The following MICOS10 variants were observed in gnomAD, a reference collection of about 807,000 sequenced individuals.
MICOS10 encodes mitochondrial contact site and cristae organizing system subunit 10.
In MICOS10, 5 loss-of-function variants were observed where a neutral mutation model predicts 13.4. The observed-to-expected ratio is 0.37, with a 90% CI of 0.20 to 0.78. The LOEUF is 0.78. Ranked by LOEUF, MICOS10 falls within the 30% of genes least tolerant of loss-of-function variation. The pLI is 0.47. For synonymous variants in MICOS10, 35 were observed against 33.6 expected, an observed-to-expected ratio of 1.04 and a Z score of -0.15; for missense variants, 101 against 94.6, an observed-to-expected ratio of 1.07 and a Z score of -0.28.
chr1:19,597,227 G>A (rs2094795334), intron 1 of MICOS10, 118 bp downstream of exon 1: 4 of 1,121,182 alleles, frequency 3.6e-6, no homozygotes, highest in African/African-American at 1.7e-5. Flanking sequence ...GGCCTTTTCC[G>A]GCCCCTCCGG....
intron 1 of MICOS10, among the ~76,000 whole-genome samples, chr1:19,609,513 C>T (rs1431088647): frequency 6.6e-6 from 1 of 152,150 alleles, no homozygotes; most frequent in African/African-American, 2.4e-5. Flanking sequence ...AAAACGTGTC[C>T]ACACAAAGAC....
chr1:19,609,816 A>C (rs2094851893), intron 1 of MICOS10, among the ~76,000 whole-genome samples: 1 of 152,188 alleles, frequency 6.6e-6, no homozygotes, highest in African/African-American at 2.4e-5. Context: ...GTTGAAGGAA[A>C]GGGGGGAAAA....
At chr1:19,622,384 C>T (rs966792670) in intron 2 of MICOS10, among the ~76,000 whole-genome samples, 3 of 152,146 alleles carry the variant, frequency 2.0e-5, no homozygotes, top group East Asian at 1.9e-4. Context: ...GCCTGTTATC[C>T]TAAATATGAT....
intron 1 of MICOS10, chr1:19,608,491 C>A: frequency 2.5e-6 from 3 of 1,211,536 alleles, no homozygotes; most frequent in Non-Finnish European, 2.5e-6. Flanking sequence ...GTATGAAGAT[C>A]GGGAGGATTG....
Position 19,600,984 on chromosome 1 carries a change from CTGTT to C in MICOS10, c.64+3878_64+3881del, listed in dbSNP as rs747799217. 1.2e-5 allele frequency: 15 copies of C among 1,289,274 alleles called. No homozygotes were observed. The South Asian group carries it at 1.6e-4, about 14-fold the overall frequency. The allele number at this position is 1,289,274 out of a possible 1,614,324, so 79.9% of individuals were successfully genotyped here. A position where few individuals can be genotyped will look rare whatever the true frequency, so the allele number is the denominator to read the frequency against. On this transcript the variant is annotated intron_variant, in intron 1 of 3. Transcript: ENST00000322753. ...CACAGCAACTTCTGTGAGTCCTTCT[CTGTT>C]TGGTTGTCTTATACCTAAAGTGTTT...
At chr1:19,607,061 A>T (rs1372235400) in intron 1 of MICOS10, among the ~76,000 whole-genome samples, 4 of 152,250 alleles carry the variant, frequency 2.6e-5, no homozygotes, top group African/African-American at 9.6e-5. Context: ...TCTCTATTTC[A>T]TGGAGTGATA....
chr1:19,626,085 G>C (rs1203741981), intron 3 of MICOS10, among the ~76,000 whole-genome samples: 1 of 152,198 alleles, frequency 6.6e-6, no homozygotes, highest in Non-Finnish European at 1.5e-5. Context: ...AGGCTGATGA[G>C]AACCATGCTC....
chr1:19,624,581 C>T (rs1202987194), intron 3 of MICOS10, among the ~76,000 whole-genome samples: 1 of 152,146 alleles, frequency 6.6e-6, no homozygotes, highest in African/African-American at 2.4e-5. Flanking sequence ...AGCCACTGTG[C>T]CTGGCCTTCA....
At chr1:19,616,146 C>T (rs1003757865) in intron 1 of MICOS10, among the ~76,000 whole-genome samples, 2 of 152,100 alleles carry the variant, frequency 1.3e-5, no homozygotes, top group African/African-American at 4.8e-5. Flanking sequence ...GAACTCCTGA[C>T]CTCAGGTGAT....
intron 1 of MICOS10, among the ~76,000 whole-genome samples, chr1:19,598,716 A>G (rs893642551): frequency 1.1e-4 from 16 of 152,042 alleles, no homozygotes; most frequent in African/African-American, 3.9e-4. Flanking sequence ...CTAATTTTGT[A>G]GCTTTGGGTA....
intron 1 of MICOS10, among the ~76,000 whole-genome samples, chr1:19,609,508 G>A (rs1019505025): frequency 1.3e-5 from 2 of 152,166 alleles, no homozygotes; most frequent in Non-Finnish European, 2.9e-5. Flanking sequence ...AAATGAAAAC[G>A]TGTCCACACA....
intron 1 of MICOS10, among the ~76,000 whole-genome samples, chr1:19,608,876 C>G (rs2094846634): frequency 6.6e-6 from 1 of 151,684 alleles, no homozygotes; most frequent in Admixed American, 6.6e-5. Flanking sequence ...AAGGTTCCCC[C>G]CCACCCATAG....
chr1:19,619,581 T>C (rs1294250280), intron 1 of MICOS10, among the ~76,000 whole-genome samples: 5 of 152,244 alleles, frequency 3.3e-5, no homozygotes, highest in Non-Finnish European at 5.9e-5. Context: ...TTATTTTATG[T>C]ATCTGATCAG....
intron 1 of MICOS10, among the ~76,000 whole-genome samples, chr1:19,615,729 A>G (rs967004543): frequency 6.3e-5 from 9 of 142,348 alleles, no homozygotes; most frequent in African/African-American, 2.1e-4. Context: ...GACTACAGGC[A>G]TATGCCACCA....
chr1:19,602,193 C>T (rs1570465812), intron 1 of MICOS10, among the ~76,000 whole-genome samples: 2 of 152,108 alleles, frequency 1.3e-5, no homozygotes, highest in African/African-American at 2.4e-5. Flanking sequence ...TTAGAGGAGG[C>T]GTACAATAAT....
chr1:19,625,946 T>C (rs1240672652), intron 3 of MICOS10, among the ~76,000 whole-genome samples: 1 of 152,152 alleles, frequency 6.6e-6, no homozygotes, highest in Non-Finnish European at 1.5e-5. Context: ...TCCTGGGTGC[T>C]TTATCTTTAA....
chr1:19,612,402 G>A (rs2094866926), intron 1 of MICOS10, among the ~76,000 whole-genome samples: 1 of 151,656 alleles, frequency 6.6e-6, no homozygotes, highest in East Asian at 2.0e-4. Flanking sequence ...GGTTTTTTAT[G>A]GGGCTTGGTA....
intron 3 of MICOS10, chr1:19,625,545 C>T (rs1228253284): frequency 6.2e-6 from 8 of 1,289,318 alleles, no homozygotes; most frequent in Non-Finnish European, 8.1e-6. Flanking sequence ...CGGCAGCCGG[C>T]CTTTTCCACC....
At chr1:19,597,138 G>C (rs755486207) in intron 1 of MICOS10, 29 bp downstream of exon 1, 9 of 1,596,134 alleles carry the variant, frequency 5.6e-6, no homozygotes, top group Non-Finnish European at 7.7e-6. Flanking sequence ...CAGCAGGCCC[G>C]GCCGGTGCAG....
Sources: gnomAD v4.1 joint callset for allele counts (sites outside exome capture counted in the v4.1 genomes callset) on GRCh38, gnomAD v4.1.1 for gene constraint, MANE v1.5 for transcripts, NCBI Gene and HGNC (gene_info 2026-07-23, HGNC 2026-07-21) for gene names.